Variants in TAS2R1 observed in about 807,000 individuals in gnomAD.
TAS2R1 encodes the protein taste receptor type 2 member 1.
For missense variants in TAS2R1, 370 were observed against 353.4 expected (o/e 1.05, Z -0.38); for synonymous variants, 141 against 134.2 (o/e 1.05, Z -0.35).
At chr5:9,716,835 G>C (rs992741478), upstream of TAS2R1, among the ~76,000 whole-genome samples, 2 of 152,006 alleles carry the variant, frequency 1.3e-5, no homozygotes, top group East Asian at 1.9e-4. Flanking sequence ...TGGTCCTCAG[G>C]GTTTAGAAGA....
At chr5:9,821,683 G>A in the TAS2R1 span, among the ~76,000 whole-genome samples, 2 of 152,218 alleles carry the variant, frequency 1.3e-5, no homozygotes, top group African/African-American at 4.8e-5. Flanking sequence ...TTGCCTTTGA[G>A]ACAGGGAAGT....
At chr5:9,647,900 A>G (rs1054362113) in intron 2 of TAS2R1, among the ~76,000 whole-genome samples, 3 of 152,196 alleles carry the variant, frequency 2.0e-5, no homozygotes, top group Non-Finnish European at 4.4e-5. Flanking sequence ...AGAAATTTGA[A>G]TAATGTTAAC....
At chr5:9,754,297 TATC>T in the TAS2R1 span, among the ~76,000 whole-genome samples, 2 of 152,178 alleles carry the variant, frequency 1.3e-5, no homozygotes, top group Admixed American at 6.5e-5. Context: ...CCACAGCCAA[TATC>T]ATACTGAATG....
the TAS2R1 span, among the ~76,000 whole-genome samples, chr5:9,805,439 C>T: frequency 6.6e-6 from 1 of 151,770 alleles, no homozygotes; most frequent in Admixed American, 6.6e-5. Flanking sequence ...AAAGACATAA[C>T]CAAAAAAATG....
the TAS2R1 span, among the ~76,000 whole-genome samples, chr5:9,835,231 G>A: frequency 6.6e-6 from 1 of 152,190 alleles, no homozygotes; most frequent in Non-Finnish European, 1.5e-5. Flanking sequence ...GATGTTCTGG[G>A]ACCCAAATAT....
At chr5:9,841,955 T>C in the TAS2R1 span, among the ~76,000 whole-genome samples, 1 of 152,212 alleles carries the variant, frequency 6.6e-6, no homozygotes, top group African/African-American at 2.4e-5. Context: ...ACATCCATCA[T>C]GTGCTCGCTG....
At chr5:9,785,385 G>A in the TAS2R1 span, among the ~76,000 whole-genome samples, 1 of 152,152 alleles carries the variant, frequency 6.6e-6, no homozygotes, top group Non-Finnish European at 1.5e-5. Flanking sequence ...GTCCTGCCAA[G>A]CCATCTTCCA....
the TAS2R1 span, among the ~76,000 whole-genome samples, chr5:9,855,852 G>T: frequency 6.6e-6 from 1 of 152,132 alleles, no homozygotes; most frequent in African/African-American, 2.4e-5. Flanking sequence ...TTGCTTTTTG[G>T]TTTTTGTTTT....
chr5:9,819,360 A>G, the TAS2R1 span, among the ~76,000 whole-genome samples: 2 of 152,232 alleles, frequency 1.3e-5, no homozygotes, highest in Non-Finnish European at 2.9e-5. Context: ...GATCCATTAC[A>G]TGCGAGCTTA....
the TAS2R1 span, among the ~76,000 whole-genome samples, chr5:9,827,076 C>A: frequency 1.3e-5 from 2 of 152,202 alleles, no homozygotes; most frequent in Non-Finnish European, 2.9e-5. Context: ...TATGCAACTG[C>A]TGACAGGATG....
intron 1 of TAS2R1, among the ~76,000 whole-genome samples, chr5:9,687,124 C>T (rs1741140052): frequency 6.6e-6 from 1 of 152,152 alleles, no homozygotes; most frequent in Non-Finnish European, 1.5e-5. Flanking sequence ...GCCACCATGC[C>T]TGGCTAATTT....
intron 1 of TAS2R1, among the ~76,000 whole-genome samples, chr5:9,668,155 G>A (rs1740676890): frequency 1.3e-5 from 2 of 152,126 alleles, no homozygotes; most frequent in Non-Finnish European, 1.5e-5. Context: ...AATCTGCCAA[G>A]CTGAGGAAAG....
intron 2 of TAS2R1, among the ~76,000 whole-genome samples, chr5:9,654,480 A>T (rs1340525288): frequency 6.6e-6 from 1 of 152,234 alleles, no homozygotes. Context: ...GGAACAAAAA[A>T]AAAGAATAAA....
chr5:9,765,446 A>G, the TAS2R1 span: 2 of 152,046 alleles, frequency 1.3e-5, no homozygotes, highest in African/African-American at 4.8e-5. Context: ...GTATGAATAA[A>G]TGCTGGTCAA....
At chr5:9,696,402 A>G (rs778432952) in intron 1 of TAS2R1, among the ~76,000 whole-genome samples, 9 of 152,008 alleles carry the variant, frequency 5.9e-5, no homozygotes, top group Non-Finnish European at 1.0e-4. Flanking sequence ...TCTACTAAAA[A>G]TACAAAAAAA....
At chr5:9,791,019 T>C in the TAS2R1 span, among the ~76,000 whole-genome samples, 2 of 152,222 alleles carry the variant, frequency 1.3e-5, no homozygotes, top group African/African-American at 2.4e-5. Context: ...CCCAGCACTA[T>C]GGATGTCTTC....
the TAS2R1 span, chr5:9,862,789 G>C: frequency 1.3e-5 from 2 of 151,932 alleles, no homozygotes; most frequent in African/African-American, 4.8e-5. Flanking sequence ...TAATTTTTCT[G>C]TTTTTAGTAG....
At chr5:9,799,775 T>G in the TAS2R1 span, among the ~76,000 whole-genome samples, 4 of 152,230 alleles carry the variant, frequency 2.6e-5, no homozygotes, top group Admixed American at 2.6e-4. Flanking sequence ...CGGTAAGTGC[T>G]AAATCCTGAG....
At chr5:9,710,422 T>C in intron 1 of TAS2R1, among the ~76,000 whole-genome samples, 1 of 152,240 alleles carries the variant, frequency 6.6e-6, no homozygotes, top group East Asian at 1.9e-4. Flanking sequence ...CACTTTTTGA[T>C]CCCTGCATGA....
Sources: allele counts gnomAD v4.1 joint callset (sites outside exome capture counted in the v4.1 genomes callset), GRCh38; gene constraint gnomAD v4.1.1; transcripts MANE v1.5; gene names NCBI Gene and HGNC (gene_info 2026-07-23, HGNC 2026-07-21).